The following RGS6 variants were observed in gnomAD, a reference collection of about 807,000 sequenced individuals.
RGS6 encodes regulator of G-protein signaling 6.
A neutral mutation model predicts 78.5 loss-of-function variants in RGS6; 30 were observed. That is an observed-to-expected ratio of 0.38 (90% CI 0.29 to 0.52). The LOEUF (loss-of-function observed/expected upper bound fraction) is 0.52, where lower values mean the gene tolerates loss of function less well. RGS6 is among the 20% of genes least tolerant of loss of function. The pLI is 0.85. For missense variants in RGS6, 495 were observed against 609.7 expected (o/e 0.81, Z 1.98); for synonymous variants, 206 against 206.0 (o/e 1.00, Z 0.00).
At chr14:72,334,478 A>G (rs997236309) in intron 2 of RGS6, among the ~76,000 whole-genome samples, 1 of 152,106 alleles carries the variant, frequency 6.6e-6, no homozygotes, top group African/African-American at 2.4e-5. Flanking sequence ...CCATGAAACC[A>G]TCAATCACCT....
At chr14:72,092,529 C>T (rs2095301026) in intron 2 of RGS6, among the ~76,000 whole-genome samples, 1 of 151,712 alleles carries the variant, frequency 6.6e-6, no homozygotes, top group Non-Finnish European at 1.5e-5. Flanking sequence ...TTACAGGCAC[C>T]TGCCACCACG....
At chr14:72,068,536 C>T (rs1245826693) in intron 2 of RGS6, among the ~76,000 whole-genome samples, 9 of 137,382 alleles carry the variant, frequency 6.6e-5, no homozygotes, top group South Asian at 2.3e-4. Flanking sequence ...CTCGCTTTGT[C>T]GCCCAGGCTG....
intron 1 of RGS6, among the ~76,000 whole-genome samples, chr14:71,939,995 C>T (rs532224663): frequency 6.6e-6 from 1 of 152,316 alleles, no homozygotes; most frequent in Non-Finnish European, 1.5e-5. Flanking sequence ...CTAAGTATGC[C>T]TATGCCAATT....
chr14:71,990,889 T>C (rs1008463366), intron 2 of RGS6: 2 of 455,730 alleles, frequency 4.4e-6, no homozygotes, highest in Admixed American at 2.3e-5. Flanking sequence ...CTTCTGAGCT[T>C]CAGTGCTTGG....
chr14:72,257,657 A>C (rs1163256464), intron 2 of RGS6, among the ~76,000 whole-genome samples: 1 of 152,214 alleles, frequency 6.6e-6, no homozygotes, highest in Admixed American at 6.5e-5. Flanking sequence ...AAAATAACAA[A>C]GAAAAAAATA....
chr14:71,926,187 C>T, the RGS6 span, among the ~76,000 whole-genome samples: 2 of 152,126 alleles, frequency 1.3e-5, no homozygotes, highest in African/African-American at 2.4e-5. Context: ...TATGGAAGCA[C>T]AAAGATTCTA....
At chr14:72,023,995 C>T (rs371356820) in intron 2 of RGS6, among the ~76,000 whole-genome samples, 11 of 152,310 alleles carry the variant, frequency 7.2e-5, no homozygotes, top group South Asian at 2.1e-4. Flanking sequence ...GAAGTGCTCG[C>T]GACAATGAGC....
chr14:72,305,343 A>G (rs847360), intron 2 of RGS6, among the ~76,000 whole-genome samples: 29,213 of 152,070 alleles, frequency 0.19, 3,661 homozygotes, highest in South Asian at 0.38. Context: ...TCTGTGTAGG[A>G]GAATCTCATT....
chr14:72,572,238 T>G, the RGS6 span, among the ~76,000 whole-genome samples: 1 of 152,172 alleles, frequency 6.6e-6, no homozygotes, highest in African/African-American at 2.4e-5. Context: ...AGTCTGAAAT[T>G]TCCTCAAAAG....
chr14:72,006,886 A>G (rs1333932558), intron 2 of RGS6, among the ~76,000 whole-genome samples: 1 of 152,204 alleles, frequency 6.6e-6, no homozygotes, highest in Non-Finnish European at 1.5e-5. Flanking sequence ...ATTAAGGACC[A>G]TGTTAGTAAA....
chr14:72,440,414 C>CTTTT (rs60589205), intron 3 of RGS6, among the ~76,000 whole-genome samples: 48 of 131,980 alleles, frequency 3.6e-4, no homozygotes, highest in African/African-American at 1.3e-3. Context: ...ACCTACACTT[C>CTTTT]TTTTTTTTTT....
chr14:72,344,570 G>A (rs1161116007), intron 2 of RGS6, among the ~76,000 whole-genome samples: 2 of 152,148 alleles, frequency 1.3e-5, no homozygotes, highest in Non-Finnish European at 2.9e-5. Flanking sequence ...TGGAATCCAA[G>A]ATAAAGTTCT....
In RGS6 at chr14:72,501,384, T is replaced by G. The variant is rs184643485; in HGVS notation, c.965+6122T>G. On this transcript the variant is annotated intron_variant, in intron 13 of 17. Transcript: ENST00000553525. ...ATCTGGAAGTCCAAGGATAAGAAAGTTATATTCAGAGGGGAAAAAAAGGCA... is the reference window on the plus strand; with the variant it reads ...ATCTGGAAGTCCAAGGATAAGAAAGGTATATTCAGAGGGGAAAAAAAGGCA... Among the ~76,000 whole-genome samples, 36 of 139,502 alleles carry G rather than the reference T, an allele frequency of 2.6e-4. 1 individual carries two copies. The East Asian group carries it at 6.7e-3, about 26-fold the overall frequency. The allele number at this position is 139,502 out of a possible 152,430, so 91.5% of individuals were successfully genotyped here.
chr14:72,405,037 T>G (rs1423168921), intron 3 of RGS6, among the ~76,000 whole-genome samples: 1 of 152,138 alleles, frequency 6.6e-6, no homozygotes, highest in African/African-American at 2.4e-5. Context: ...GAGACAAGGT[T>G]GCAGGGAAAC....
chr14:71,936,015 G>GATATATATATATATATATATATAT (rs55686505), intron 1 of RGS6, among the ~76,000 whole-genome samples: 76 of 63,754 alleles, frequency 1.2e-3, no homozygotes, highest in Middle Eastern at 8.8e-3. Context: ...GAACTAATAG[G>GATATATATATATATATATATATAT]ATATATATAT....
intron 1 of RGS6, among the ~76,000 whole-genome samples, chr14:71,958,724 A>G (rs1464657416): frequency 6.6e-6 from 1 of 152,168 alleles, no homozygotes; most frequent in African/African-American, 2.4e-5. Context: ...GGATCAAGTG[A>G]AGGGAAGGCA....
intron 12 of RGS6, among the ~76,000 whole-genome samples, chr14:72,483,110 T>C (rs904046277): frequency 1.3e-5 from 2 of 152,218 alleles, no homozygotes; most frequent in Admixed American, 6.5e-5. Flanking sequence ...AGTCCCTTTT[T>C]TTATTCATCT....
intron 2 of RGS6, among the ~76,000 whole-genome samples, chr14:72,161,983 G>T (rs1214491686): frequency 1.3e-5 from 2 of 152,198 alleles, no homozygotes; most frequent in Non-Finnish European, 2.9e-5. Context: ...CTCTCATCTA[G>T]TCCTCTGTGT....
At chr14:72,475,326 C>A (rs1178259327) in intron 10 of RGS6, among the ~76,000 whole-genome samples, 1 of 150,662 alleles carries the variant, frequency 6.6e-6, no homozygotes, top group Non-Finnish European at 1.5e-5. Flanking sequence ...GTGGTCACAG[C>A]ATACCCGAGG....
Sources: gnomAD v4.1 joint callset for allele counts (sites outside exome capture counted in the v4.1 genomes callset) on GRCh38, gnomAD v4.1.1 for gene constraint, MANE v1.5 for transcripts, NCBI Gene and HGNC (gene_info 2026-07-23, HGNC 2026-07-21) for gene names.